Variants in R3HDM2 observed in about 807,000 individuals in gnomAD.
The protein encoded by R3HDM2 is R3H domain-containing protein 2.
Under a neutral mutation model 124.5 loss-of-function variants are expected in R3HDM2, and 38 were observed. The ratio of observed to expected loss-of-function variants is 0.31; its 90% CI spans 0.24 to 0.40. The LOEUF is 0.40. Among genes scored for constraint, R3HDM2 ranks in the 10% least tolerant of loss-of-function variants. The pLI is 1.00. For synonymous variants in R3HDM2, 391 were observed against 448.0 expected (o/e 0.87, Z 1.61); for missense variants, 869 against 1,236.9 (o/e 0.70, Z 4.46).
chr12:57,254,982 C>T lies in R3HDM2; in HGVS notation c.2764G>A (p.Gly922Arg). Residue 922 changes from glycine to arginine, a missense_variant, in exon 24 of 24, where the codon GGA (glycine) becomes AGA (arginine). Gly to Arg is a moderately radical substitution (Grantham distance 125). Transcript: ENST00000402412. Reference protein sequence around the residue: ...QWLKDAQGLPGGGGGDNSGTA... With the variant: ...QWLKDAQGLPRGGGGDNSGTA... ...CCACTGTTGTCCCCCCCACCCCCTCCAGGCAGCCCCTGAGCATCCTTGAGC... is the reference window on the plus strand; with the variant it reads ...CCACTGTTGTCCCCCCCACCCCCTCTAGGCAGCCCCTGAGCATCCTTGAGC... The T allele has an allele frequency of 6.2e-7, 1 of 1,614,122 alleles. No individual in the cohort carries two copies. The highest frequency in any genetic ancestry group is 8.5e-7 in the Non-Finnish European group (1 of 1,179,996).
intron 14 of R3HDM2, among the ~76,000 whole-genome samples, chr12:57,276,231 C>G (rs1210602479): frequency 1.4e-5 from 2 of 143,018 alleles, no homozygotes; most frequent in East Asian, 4.1e-4. Flanking sequence ...AAAAAAAGAA[C>G]TAAAAGTAGA....
intron 2 of R3HDM2, among the ~76,000 whole-genome samples, chr12:57,328,221 C>T (rs2057593757): frequency 6.6e-6 from 1 of 151,974 alleles, no homozygotes; most frequent in South Asian, 2.1e-4. Flanking sequence ...ACAGGCAAGC[C>T]TGGTTAATTT....
chr12:57,312,674 C>G (rs943340336), intron 2 of R3HDM2, among the ~76,000 whole-genome samples: 1 of 151,926 alleles, frequency 6.6e-6, no homozygotes, highest in Non-Finnish European at 1.5e-5. Flanking sequence ...AGTTCGAGAC[C>G]AGCCTGACCA....
chr12:57,278,973 G>T (rs1043185494), intron 14 of R3HDM2, among the ~76,000 whole-genome samples: 14 of 152,008 alleles, frequency 9.2e-5, no homozygotes, highest in Admixed American at 9.2e-4. Context: ...GGCCAAGCTG[G>T]ACTAATAAGC....
At chr12:57,384,022 C>G (rs2065300195) in intron 2 of R3HDM2, among the ~76,000 whole-genome samples, 1 of 152,118 alleles carries the variant, frequency 6.6e-6, no homozygotes, top group South Asian at 2.1e-4. Flanking sequence ...GGAGGGAATA[C>G]TTAAGCCTGA....
chr12:57,285,958 G>A (rs889448271), intron 12 of R3HDM2, among the ~76,000 whole-genome samples: 1 of 152,188 alleles, frequency 6.6e-6, no homozygotes, highest in African/African-American at 2.4e-5. Flanking sequence ...TCAAAATGTA[G>A]ACTGCCTGAT....
chr12:57,261,426 C>G (rs960509806), intron 19 of R3HDM2, among the ~76,000 whole-genome samples: 1 of 152,076 alleles, frequency 6.6e-6, no homozygotes, highest in African/African-American at 2.4e-5. Context: ...TAGAAATAAG[C>G]ATAAGCAAGG....
At chr12:57,256,602 T>C (rs1022489809) in intron 21 of R3HDM2, 91 bp from the exon 22 acceptor site, 4 of 875,868 alleles carry the variant, frequency 4.6e-6, no homozygotes, top group Non-Finnish European at 6.9e-6. Context: ...ACAGCAACAA[T>C]GCATACTATT....
At chr12:57,256,941 G>A (rs182075521) in intron 21 of R3HDM2, among the ~76,000 whole-genome samples, 73 of 151,744 alleles carry the variant, frequency 4.8e-4, no homozygotes, top group Non-Finnish European at 9.1e-4. Flanking sequence ...TCAGCCTCCC[G>A]AGTAGCTGGG....
intron 18 of R3HDM2, among the ~76,000 whole-genome samples, chr12:57,267,382 C>G (rs964991548): frequency 6.6e-6 from 1 of 152,160 alleles, no homozygotes; most frequent in African/African-American, 2.4e-5. Flanking sequence ...TGGCGAAACC[C>G]CGTCTCTACT....
intron 15 of R3HDM2, 64 bp from the exon 16 acceptor site, chr12:57,269,513 A>G: frequency 6.3e-7 from 1 of 1,578,266 alleles, no homozygotes. Flanking sequence ...TCAGCATACT[A>G]CTATAAATGC....
chr12:57,279,639 AAATAAT>A (rs1046089232), intron 14 of R3HDM2, among the ~76,000 whole-genome samples: 3 of 151,656 alleles, frequency 2.0e-5, no homozygotes, highest in African/African-American at 7.3e-5. Context: ...CCCTATCTCA[AAATAAT>A]AATAATAACA....
chr12:57,425,439 T>C (rs940845251), intron 1 of R3HDM2, among the ~76,000 whole-genome samples: 2 of 152,200 alleles, frequency 1.3e-5, no homozygotes, highest in African/African-American at 2.4e-5. Flanking sequence ...CTGGCAGCTT[T>C]CAATGTCCTC....
chr12:57,385,537 T>C (rs2065606465), intron 2 of R3HDM2, among the ~76,000 whole-genome samples: 2 of 152,022 alleles, frequency 1.3e-5, no homozygotes, highest in South Asian at 2.1e-4. Flanking sequence ...CCACCATGCC[T>C]GGCCTAACTT....
intron 2 of R3HDM2, among the ~76,000 whole-genome samples, chr12:57,363,629 C>T (rs1234304023): frequency 6.6e-6 from 1 of 152,122 alleles, no homozygotes; most frequent in Non-Finnish European, 1.5e-5. Context: ...ATGCTAATTA[C>T]CCTCATCTGA....
intron 2 of R3HDM2, among the ~76,000 whole-genome samples, 190 bp downstream of exon 2, chr12:57,395,559 T>C (rs12826766): frequency 2.0e-5 from 3 of 151,798 alleles, no homozygotes; most frequent in Admixed American, 1.3e-4. Context: ...GGATTACAGG[T>C]GTGAGCCACC....
At chr12:57,293,214 G>C (rs1471117499) in intron 10 of R3HDM2, among the ~76,000 whole-genome samples, 1 of 152,118 alleles carries the variant, frequency 6.6e-6, no homozygotes, top group Non-Finnish European at 1.5e-5. Flanking sequence ...GAAATCCCAA[G>C]GGCGAAGCTA....
intron 2 of R3HDM2, among the ~76,000 whole-genome samples, chr12:57,337,617 AAAAC>A (rs2059024330): frequency 6.6e-6 from 1 of 152,178 alleles, no homozygotes; most frequent in Non-Finnish European, 1.5e-5. Flanking sequence ...GCAAAAACAA[AAAAC>A]AAACAAAAAA....
intron 2 of R3HDM2, among the ~76,000 whole-genome samples, chr12:57,386,053 T>C (rs1244578053): frequency 6.6e-6 from 1 of 152,082 alleles, no homozygotes; most frequent in Non-Finnish European, 1.5e-5. Flanking sequence ...AAATGCCACA[T>C]TTCTCACCAC....
Sources: allele counts gnomAD v4.1 joint callset (sites outside exome capture counted in the v4.1 genomes callset), GRCh38; gene constraint gnomAD v4.1.1; transcripts MANE v1.5; gene names NCBI Gene and HGNC (gene_info 2026-07-23, HGNC 2026-07-21).